Variants in MAP4 observed in about 807,000 individuals in gnomAD.
MAP4 encodes microtubule associated protein 4, also known as microtubule-associated protein 4.
Under a neutral mutation model 170.2 loss-of-function variants are expected in MAP4, and 76 were observed. The ratio of observed to expected loss-of-function variants is 0.45; its 90% CI spans 0.37 to 0.54. The LOEUF is 0.54. Ranked by LOEUF, MAP4 falls within the 20% of genes least tolerant of loss-of-function variation. The probability of loss-of-function intolerance (pLI) is 0.00; values close to 1 mark genes in which losing one functional copy is unlikely to be tolerated. For missense variants in MAP4, 2,506 were observed against 2,748.0 expected, an observed-to-expected ratio of 0.91 and a Z score of 1.97; for synonymous variants, 909 against 994.5, an observed-to-expected ratio of 0.91 and a Z score of 1.62.
At chr3:47,941,782 G>A (rs573005902) in intron 3 of MAP4, among the ~76,000 whole-genome samples, 10 of 131,296 alleles carry the variant, frequency 7.6e-5, no homozygotes, top group East Asian at 2.2e-4. Context: ...GCAAGACTCC[G>A]TCTCAAAAAA....
intron 10 of MAP4, among the ~76,000 whole-genome samples, chr3:47,888,456 C>A (rs760984653): frequency 6.6e-6 from 1 of 152,032 alleles, no homozygotes; most frequent in Non-Finnish European, 1.5e-5. Context: ...CCGGGAGGAA[C>A]GAACAACTCC....
intron 15 of MAP4, among the ~76,000 whole-genome samples, chr3:47,870,056 C>G (rs2088676887): frequency 6.6e-6 from 1 of 152,140 alleles, no homozygotes; most frequent in African/African-American, 2.4e-5. Context: ...TTTAAGTATG[C>G]TGCCCTGGAT....
intron 10 of MAP4, among the ~76,000 whole-genome samples, chr3:47,893,412 TG>T (rs1251346893): frequency 6.6e-6 from 1 of 152,218 alleles, no homozygotes; most frequent in Non-Finnish European, 1.5e-5. Flanking sequence ...GTGAACACAC[TG>T]GGGGCAGTGC....
intron 1 of MAP4, among the ~76,000 whole-genome samples, chr3:48,079,256 T>A (rs1010477900): frequency 3.9e-5 from 6 of 152,130 alleles, no homozygotes; most frequent in African/African-American, 1.4e-4. Flanking sequence ...CATTTTGGAA[T>A]ATCTGTATAC....
Position 47,852,602 on chromosome 3 carries a change from C to G in MAP4, c.*332G>C. The G allele has an allele frequency of 1.3e-6, 1 of 765,646 alleles. No individual in the cohort carries two copies. The highest frequency in any genetic ancestry group is 2.8e-5 in the East Asian group (1 of 35,364). The allele number at this position is 765,646 out of a possible 1,614,324, so 47.4% of individuals were successfully genotyped here. ...TAGATCCCAACTTAGCCTCAACCACCCCAACCCCCTCCCAACCTCCTCCAC... is the reference window on the plus strand; with the variant it reads ...TAGATCCCAACTTAGCCTCAACCACGCCAACCCCCTCCCAACCTCCTCCAC... On this transcript the variant is annotated 3_prime_UTR_variant, in exon 21 of 21. Coordinates refer to ENST00000683076, the MANE Select transcript of MAP4 (RefSeq NM_001385682.1).
intron 3 of MAP4, among the ~76,000 whole-genome samples, chr3:47,964,753 C>T (rs552070201): frequency 1.4e-4 from 21 of 152,272 alleles, no homozygotes; most frequent in African/African-American, 4.6e-4. Flanking sequence ...CCAGAACAAA[C>T]GTACAAAATA....
intron 1 of MAP4, among the ~76,000 whole-genome samples, chr3:48,045,176 T>C (rs1187872042): frequency 6.7e-6 from 1 of 148,612 alleles, no homozygotes; most frequent in East Asian, 2.0e-4. Flanking sequence ...GAGAATCGCT[T>C]GAACCCAGGA....
At chr3:48,020,746 T>A (rs551590730), upstream of MAP4, among the ~76,000 whole-genome samples, 1 of 152,312 alleles carries the variant, frequency 6.6e-6, no homozygotes, top group African/African-American at 2.4e-5. Context: ...GGATCAGAAT[T>A]GTTCAGGGAC....
chr3:47,941,315 C>G (rs2100056269), intron 3 of MAP4, among the ~76,000 whole-genome samples: 1 of 149,792 alleles, frequency 6.7e-6, no homozygotes, highest in African/African-American at 2.5e-5. Context: ...CCCATAGTTA[C>G]CTGGAAAAAA....
rs775050153 is a variant in MAP4, at chr3:47,910,618, T to C, written c.3803A>G (p.His1268Arg). ...TGGTGTATGTGAGAACGAAGAATCATGCATTTTGGGGAAAGTAAATCCTAT... is the reference window on the plus strand; with the variant it reads ...TGGTGTATGTGAGAACGAAGAATCACGCATTTTGGGGAAAGTAAATCCTAT... Reference protein sequence around the residue: ...KEIGFTFPKMHDSSFSHTPDT... With the variant: ...KEIGFTFPKMRDSSFSHTPDT... The change falls in exon 9 of 21, where the codon CAT becomes CGT. Residue 1268 changes from histidine (H) to arginine (R), a missense_variant. By Grantham distance (29) the His-to-Arg change is conservative (BLOSUM62 0). Coordinates refer to ENST00000683076, the MANE Select transcript of MAP4 (RefSeq NM_001385682.1). 2.2e-5 allele frequency: 34 copies of C among 1,536,040 alleles called. No individual in the cohort carries two copies. The highest frequency in any genetic ancestry group is 2.7e-5 in the Non-Finnish European group (31 of 1,146,916).
At position 47,921,813 on chromosome 3, in the gene MAP4, C is replaced by A. The variant is rs747739927; in HGVS notation, c.481G>T (p.Asp161Tyr). The A allele has an allele frequency of 1.7e-5, 28 of 1,612,110 alleles. No individual in the cohort carries two copies. The African/African-American group carries it at 2.1e-4, about 12-fold the overall frequency. Residue 161 changes from aspartate (D) to tyrosine (Y), a missense_variant, in exon 5 of 21, where the codon GAT (aspartate) becomes TAT (tyrosine). By Grantham distance (160) the Asp-to-Tyr change is radical (BLOSUM62 -3). This residue lies in a region of MAP4 where 2,008 missense variants were observed against 2,206.0 expected (regional missense o/e 0.91). Transcript: ENST00000683076. ...DLVFPSSATA[D>Y]TSIFAGQNDP... ...TTTTGTCCTGCAAATATTGAAGTAT[C>A]AGCTGTCGCACTGGAGGGAAAGACC...
At chr3:47,863,628 C>T (rs1323403337) in intron 17 of MAP4, among the ~76,000 whole-genome samples, 1 of 152,070 alleles carries the variant, frequency 6.6e-6, no homozygotes, top group African/African-American at 2.4e-5. Context: ...GGTACCAAAA[C>T]ATGCTGTCAG....
At chr3:47,931,420 T>C (rs1419927714) in intron 3 of MAP4, among the ~76,000 whole-genome samples, 1 of 152,134 alleles carries the variant, frequency 6.6e-6, no homozygotes, top group Admixed American at 6.6e-5. Context: ...TTTGAGAATG[T>C]GTAAAATGGT....
intron 12 of MAP4, 106 bp from the exon 13 acceptor site, chr3:47,872,206 C>G: frequency 9.4e-7 from 1 of 1,060,696 alleles, no homozygotes. Flanking sequence ...TTTTTGGAGA[C>G]GAAGTCTCAC....
Position 47,915,631 on chromosome 3 carries a change from A to T in MAP4, c.1876+320T>A, listed in dbSNP as rs78300445. 4.1e-3 allele frequency among the ~76,000 whole-genome samples: 622 copies of T among 152,288 alleles called. 6 individuals are homozygous for T. Among genetic ancestry groups the T allele is most frequent in the African/African-American group, 0.014 (594 of 41,562 alleles). On this transcript the variant is annotated intron_variant, in intron 7 of 20. Coordinates refer to ENST00000683076, the MANE Select transcript of MAP4 (RefSeq NM_001385682.1). The stretch of plus-strand genomic sequence containing the variant: ...GAACAGTTTACTTATAAAAACGGGA[A>T]CTTTCATAAGCAGAGACCATGGATA...
rs2095254905 is a variant in MAP4, at chr3:47,875,875, T to G, written c.5567A>C (p.Lys1856Thr). The change falls in exon 12 of 21, where the codon AAG (lysine) becomes ACG (threonine). Residue 1856 changes from lysine (K) to threonine (T), a missense_variant. Lys to Thr is a moderately conservative substitution (Grantham distance 78, BLOSUM62 -1). Transcript: ENST00000683076. ...TKPLATTQPAKTSTSKAKTQP... is the reference protein window; with the variant it reads ...TKPLATTQPATTSTSKAKTQP... The stretch of plus-strand genomic sequence containing the variant: ...TGTTTTGGCTTTCGATGTTGAAGTC[T>G]TTGCAGGTTGAGTGGTGGCCAAAGG... 1.2e-6 allele frequency: 2 copies of G among 1,612,122 alleles called. No individual in the cohort carries two copies. Among genetic ancestry groups the G allele is most frequent in the Non-Finnish European group, 1.7e-6 (2 of 1,179,614 alleles).
At position 47,857,612 on chromosome 3, in the gene MAP4, G is replaced by A. The variant is rs373821246; in HGVS notation, c.6502-100C>T. The A allele has an allele frequency of 1.0e-4, 80 of 783,782 alleles. No individual in the cohort carries two copies. The African/African-American group carries it at 1.3e-3, about 13-fold the overall frequency. The allele number at this position is 783,782 out of a possible 1,614,324, so 48.6% of individuals were successfully genotyped here. On this transcript the variant is annotated intron_variant, in intron 17 of 20. Transcript: ENST00000683076. ...ATCTTCTCCATGTTCAGGGTTTCTC[G>A]CTCCCTCTGTAAGCTGCTATCTCAG...
At chr3:48,051,777 C>G (rs1452255087) in intron 1 of MAP4, among the ~76,000 whole-genome samples, 1 of 152,194 alleles carries the variant, frequency 6.6e-6, no homozygotes, top group African/African-American at 2.4e-5. Context: ...CTAGACTAAA[C>G]TGAGTCCCTT....
At chr3:47,896,258 G>A (rs757758550) in intron 10 of MAP4, among the ~76,000 whole-genome samples, 66 of 152,180 alleles carry the variant, frequency 4.3e-4, no homozygotes, top group Admixed American at 6.6e-4. Flanking sequence ...GGCCGGGCGC[G>A]GTGGCTCACG....
Sources: allele counts gnomAD v4.1 joint callset (sites outside exome capture counted in the v4.1 genomes callset), GRCh38; gene constraint gnomAD v4.1.1; regional missense constraint gnomAD v4.1.1; transcripts MANE v1.5; gene names NCBI Gene and HGNC (gene_info 2026-07-23, HGNC 2026-07-21).